Variants in SLC1A3 observed in about 807,000 individuals in gnomAD.
SLC1A3 encodes the protein excitatory amino acid transporter 1.
A neutral mutation model predicts 48.1 loss-of-function variants in SLC1A3; 21 were observed. That is an observed-to-expected ratio of 0.44 (90% CI 0.31 to 0.63). The LOEUF (loss-of-function observed/expected upper bound fraction) is 0.63, where lower values mean the gene tolerates loss of function less well. Among genes scored for constraint, SLC1A3 ranks in the 20% least tolerant of loss-of-function variants. The pLI, the probability that SLC1A3 is intolerant of heterozygous loss-of-function variation, is 0.08. For synonymous variants in SLC1A3, 239 were observed against 251.4 expected, an observed-to-expected ratio of 0.95 and a Z score of 0.47; for missense variants, 546 against 689.0, an observed-to-expected ratio of 0.79 and a Z score of 2.32.
chr5:36,680,667 T>C (rs1742405574), intron 8 of SLC1A3, 78 bp downstream of exon 8: 4 of 1,291,024 alleles, frequency 3.1e-6, no homozygotes, highest in Non-Finnish European at 4.5e-6. Context: ...CCTGTAATCC[T>C]AACACTTTGG....
chr5:36,615,478 TAACA>T (rs1739392378), intron 2 of SLC1A3, among the ~76,000 whole-genome samples: 1 of 152,206 alleles, frequency 6.6e-6, no homozygotes, highest in African/African-American at 2.4e-5. Context: ...CTCTCCAGTC[TAACA>T]AATAGCCCCC....
intron 2 of SLC1A3, among the ~76,000 whole-genome samples, chr5:36,626,580 G>A (rs1467533980): frequency 6.6e-6 from 1 of 152,140 alleles, no homozygotes; most frequent in Non-Finnish European, 1.5e-5. Flanking sequence ...TCATGCACAT[G>A]TTTTGTTATA....
chr5:36,610,731 T>A (rs1357329020), intron 2 of SLC1A3, among the ~76,000 whole-genome samples: 5 of 152,232 alleles, frequency 3.3e-5, no homozygotes, highest in African/African-American at 1.2e-4. Flanking sequence ...CTAGGAGTTC[T>A]GGGATCATTC....
At chr5:36,634,804 T>C (rs1675641546) in intron 3 of SLC1A3, among the ~76,000 whole-genome samples, 1 of 152,184 alleles carries the variant, frequency 6.6e-6, no homozygotes, top group African/African-American at 2.4e-5. Flanking sequence ...TCAATGACTG[T>C]TGAAGGCAGT....
At chr5:36,628,623 T>C (rs959793282) in intron 2 of SLC1A3, among the ~76,000 whole-genome samples, 2 of 152,190 alleles carry the variant, frequency 1.3e-5, no homozygotes, top group Non-Finnish European at 2.9e-5. Flanking sequence ...GGGAGTAAAT[T>C]TACACTTTTA....
At chr5:36,628,481 T>C (rs1428234231) in intron 2 of SLC1A3, among the ~76,000 whole-genome samples, 2 of 152,194 alleles carry the variant, frequency 1.3e-5, no homozygotes, top group Non-Finnish European at 2.9e-5. Context: ...CTCTATAACT[T>C]ACATGGACTT....
chr5:36,683,123 A>C (rs973989981), intron 8 of SLC1A3, among the ~76,000 whole-genome samples: 5 of 152,246 alleles, frequency 3.3e-5, no homozygotes, highest in African/African-American at 1.2e-4. Context: ...ATTAATCATG[A>C]ATGTTCAGTA....
intron 7 of SLC1A3, 77 bp downstream of exon 7, chr5:36,679,937 C>A: frequency 1.0e-6 from 1 of 958,796 alleles, no homozygotes; most frequent in Non-Finnish European, 1.7e-6. Context: ...GTAGGAGAAG[C>A]CATTTTATTC....
chr5:36,683,044 T>C (rs1580049702), intron 8 of SLC1A3, among the ~76,000 whole-genome samples: 1 of 152,264 alleles, frequency 6.6e-6, no homozygotes, highest in East Asian at 1.9e-4. Context: ...ACTTTGTTCA[T>C]AAATCATTTT....
At chr5:36,621,596 A>G (rs1210739352) in intron 2 of SLC1A3, among the ~76,000 whole-genome samples, 2 of 152,190 alleles carry the variant, frequency 1.3e-5, no homozygotes, top group Admixed American at 6.5e-5. Context: ...AAGGAGGGTG[A>G]CTTTTTAATC....
intron 5 of SLC1A3, among the ~76,000 whole-genome samples, chr5:36,675,618 C>A (rs1234466069): frequency 6.6e-6 from 1 of 152,144 alleles, no homozygotes; most frequent in African/African-American, 2.4e-5. Context: ...CATAAGAAAG[C>A]CTGATCAGGA....
At chr5:36,672,599 G>C (rs918015899) in intron 4 of SLC1A3, among the ~76,000 whole-genome samples, 1 of 151,574 alleles carries the variant, frequency 6.6e-6, no homozygotes, top group Non-Finnish European at 1.5e-5. Flanking sequence ...TCAAGGAATG[G>C]GGCTGTGGCA....
chr5:36,628,986 T>C (rs1214290705), intron 2 of SLC1A3, among the ~76,000 whole-genome samples: 1 of 151,924 alleles, frequency 6.6e-6, no homozygotes, highest in Non-Finnish European at 1.5e-5. Context: ...TTTTTCTAAC[T>C]GGAAAAAAAA....
intron 3 of SLC1A3, among the ~76,000 whole-genome samples, chr5:36,657,473 T>C (rs757743105): frequency 2.6e-5 from 4 of 152,162 alleles, no homozygotes; most frequent in Non-Finnish European, 5.9e-5. Flanking sequence ...CCTGCAAAGA[T>C]ACCTGGTGAA....
intron 5 of SLC1A3, among the ~76,000 whole-genome samples, chr5:36,675,632 A>C (rs543752775): frequency 1.3e-5 from 2 of 152,216 alleles, no homozygotes; most frequent in Non-Finnish European, 2.9e-5. Context: ...ATCAGGATTG[A>C]AAATCTGCCC....
intron 3 of SLC1A3, chr5:36,636,379 C>T (rs1025360655): frequency 2.6e-5 from 4 of 152,164 alleles, no homozygotes; most frequent in African/African-American, 9.7e-5. Context: ...CTTGCCCTGC[C>T]TCTCCAGTAT....
At chr5:36,622,749 C>T (rs1739728819) in intron 2 of SLC1A3, among the ~76,000 whole-genome samples, 1 of 152,054 alleles carries the variant, frequency 6.6e-6, no homozygotes, top group South Asian at 2.1e-4. Context: ...CATTGGCTCA[C>T]GCCTGTAATC....
chr5:36,636,086 T>C (rs1740339090), intron 3 of SLC1A3: 1 of 152,190 alleles, frequency 6.6e-6, no homozygotes, highest in Admixed American at 6.6e-5. Context: ...TGTATTTAGG[T>C]TTTGGTGAGG....
intron 3 of SLC1A3, among the ~76,000 whole-genome samples, chr5:36,643,044 A>C (rs540787020): frequency 6.6e-6 from 1 of 152,362 alleles, no homozygotes; most frequent in East Asian, 1.9e-4. Context: ...ATATAATGGA[A>C]TATTATCCAT....
Sources: allele counts gnomAD v4.1 joint callset (sites outside exome capture counted in the v4.1 genomes callset), GRCh38; gene constraint gnomAD v4.1.1; transcripts MANE v1.5; gene names NCBI Gene and HGNC (gene_info 2026-07-23, HGNC 2026-07-21).